NTM: variants seen among roughly 807,000 people sequenced by gnomAD.
NTM encodes IgLON family member 2.
In NTM, 13 loss-of-function variants were observed where a neutral mutation model predicts 42.1. The ratio of observed to expected loss-of-function variants is 0.31; its 90% CI spans 0.20 to 0.49. NTM has a LOEUF of 0.49. Among genes scored for constraint, NTM ranks in the 20% least tolerant of loss-of-function variants. NTM has a pLI of 0.99. For synonymous variants in NTM, 187 were observed against 179.2 expected, an observed-to-expected ratio of 1.04 and a Z score of -0.35; for missense variants, 373 against 452.8, an observed-to-expected ratio of 0.82 and a Z score of 1.60.
intron 1 of NTM, among the ~76,000 whole-genome samples, chr11:131,565,072 G>A (rs988522671): frequency 1.3e-5 from 2 of 152,152 alleles, no homozygotes; most frequent in Admixed American, 6.5e-5. Context: ...ACCTCCCCCT[G>A]CATGAGAAGA....
chr11:131,511,592 G>A (rs868592242), intron 1 of NTM, among the ~76,000 whole-genome samples: 2 of 152,118 alleles, frequency 1.3e-5, no homozygotes, highest in Admixed American at 6.5e-5. Flanking sequence ...CAGAAACCCC[G>A]AGGTTATACA....
At chr11:132,204,841 A>G (rs1181281263) in intron 3 of NTM, among the ~76,000 whole-genome samples, 1 of 152,166 alleles carries the variant, frequency 6.6e-6, no homozygotes, top group East Asian at 1.9e-4. Context: ...CACCTGAACC[A>G]CTCAACTGTG....
intron 1 of NTM, among the ~76,000 whole-genome samples, chr11:131,444,614 C>T (rs764550954): frequency 6.6e-6 from 1 of 152,038 alleles, no homozygotes; most frequent in African/African-American, 2.4e-5. Context: ...AAATTGAGGG[C>T]TTTGCATGGA....
At position 131,794,924 on chromosome 11, in the gene NTM, C is replaced by CTT. The variant is rs150047411; in HGVS notation, c.83-116638_83-116637dup. The stretch of plus-strand genomic sequence containing the variant: ...TGCAGGGAGTGTTGGGTAACCAAGG[C>CTT]TTTGGAGTTAGGGGAACCTGAACCC... On this transcript the variant is annotated intron_variant, in intron 1 of 8. Coordinates refer to ENST00000683400, the MANE Select transcript of NTM (RefSeq NM_001352005.2). The CTT allele has an allele frequency of 2.4e-5, 24 of 985,236 alleles. No individual in the cohort carries two copies. In the East Asian group the frequency reaches 2.3e-3, roughly 93 times the overall value. 61.0% of individuals were successfully genotyped at this position (985,236 alleles called of 1,614,324 possible).
intron 1 of NTM, among the ~76,000 whole-genome samples, chr11:131,642,338 G>A (rs1164862244): frequency 6.6e-6 from 1 of 152,196 alleles, no homozygotes; most frequent in Non-Finnish European, 1.5e-5. Flanking sequence ...CTGGAAACTG[G>A]AGAGAGATCC....
chr11:132,000,531 G>T (rs1157588807), intron 2 of NTM, among the ~76,000 whole-genome samples: 1 of 152,172 alleles, frequency 6.6e-6, no homozygotes, highest in African/African-American at 2.4e-5. Flanking sequence ...GGGTGAATGT[G>T]TACAAGTACA....
chr11:131,632,141 A>C (rs1007769744), intron 1 of NTM, among the ~76,000 whole-genome samples: 15 of 152,066 alleles, frequency 9.9e-5, no homozygotes, highest in Admixed American at 8.5e-4. Flanking sequence ...AATATTTTTC[A>C]CTGTATTTAT....
intron 1 of NTM, among the ~76,000 whole-genome samples, chr11:131,562,898 A>T (rs1387096005): frequency 6.6e-6 from 1 of 152,198 alleles, no homozygotes; most frequent in African/African-American, 2.4e-5. Flanking sequence ...AACCATGCTT[A>T]GTGGACTGGA....
rs138385263 is a variant in NTM at position 131,712,735 on chromosome 11, C to T, written c.83-198829C>T. Reference sequence around the variant, plus strand: ...AGTAGCTGGGACTACAGATGCATGCCACCACACCAGCCTAATTTTTGTATT... The same window carrying T: ...AGTAGCTGGGACTACAGATGCATGCTACCACACCAGCCTAATTTTTGTATT... On this transcript the variant is annotated intron_variant, in intron 1 of 8. Transcript: ENST00000683400. Among the ~76,000 whole-genome samples the T allele has an allele frequency of 4.6e-3, 701 of 152,106 alleles. 2 individuals are homozygous for T. The highest frequency in any genetic ancestry group is 6.8e-3 in the Middle Eastern group (2 of 294).
intron 4 of NTM, among the ~76,000 whole-genome samples, chr11:132,303,646 G>A (rs1354830024): frequency 1.3e-5 from 2 of 148,220 alleles, no homozygotes; most frequent in Non-Finnish European, 3.0e-5. Context: ...TGTTTGCAAG[G>A]AAGAGTTAAA....
intron 1 of NTM, among the ~76,000 whole-genome samples, chr11:131,767,667 C>T (rs891419202): frequency 2.6e-5 from 4 of 152,194 alleles, no homozygotes; most frequent in African/African-American, 9.6e-5. Context: ...CAGAATCCAC[C>T]GGCACTGTGA....
chr11:131,535,840 A>C (rs2052101147), intron 1 of NTM: 1 of 152,218 alleles, frequency 6.6e-6, no homozygotes, highest in Admixed American at 6.5e-5. Flanking sequence ...ACCACGCCGA[A>C]AACATGGTTG....
intron 1 of NTM, among the ~76,000 whole-genome samples, chr11:131,545,145 A>G (rs867569351): frequency 1.6e-4 from 24 of 152,286 alleles, no homozygotes; most frequent in South Asian, 8.3e-4. Flanking sequence ...TTTAAGAATG[A>G]AAAGAATGTA....
intron 1 of NTM, chr11:131,911,362 T>TTCTCACCGCTCAGGTCCTCAC (rs2054922786): frequency 6.5e-7 from 1 of 1,535,542 alleles, no homozygotes; most frequent in African/African-American, 1.4e-5. Flanking sequence ...CGCCTCCCGG[T>TTCTCACCGCTCAGGTCCTCAC]CGCCGCGGGT....
chr11:131,726,390 G>A (rs1261108362), intron 1 of NTM, among the ~76,000 whole-genome samples: 1 of 144,872 alleles, frequency 6.9e-6, no homozygotes, highest in Admixed American at 6.7e-5. Flanking sequence ...CTGTCTCCTG[G>A]CCCCTCTCAC....
At chr11:131,876,568 A>C (rs2048569841) in intron 1 of NTM, among the ~76,000 whole-genome samples, 1 of 152,248 alleles carries the variant, frequency 6.6e-6, no homozygotes, top group South Asian at 2.1e-4. Context: ...GAGGCATTTC[A>C]AAGCCAAAAG....
chr11:131,487,474 A>G (rs1026910096), intron 1 of NTM, among the ~76,000 whole-genome samples: 7 of 152,212 alleles, frequency 4.6e-5, no homozygotes, highest in Admixed American at 6.5e-5. Flanking sequence ...TAAACCCCCA[A>G]TTGAAATCCA....
intron 1 of NTM, among the ~76,000 whole-genome samples, chr11:131,642,994 A>G (rs549053814): frequency 6.6e-6 from 1 of 151,960 alleles, no homozygotes; most frequent in Admixed American, 6.6e-5. Flanking sequence ...CAGAGGGCTT[A>G]ATTTTACTTC....
At chr11:132,062,373 C>G (rs748829899) in intron 2 of NTM, among the ~76,000 whole-genome samples, 4 of 152,166 alleles carry the variant, frequency 2.6e-5, no homozygotes, top group Admixed American at 6.6e-5. Context: ...AGTGAAAACT[C>G]CTGAAGCTCA....
Sources: gnomAD v4.1 joint callset for allele counts (sites outside exome capture counted in the v4.1 genomes callset) on GRCh38, gnomAD v4.1.1 for gene constraint, MANE v1.5 for transcripts, NCBI Gene and HGNC (gene_info 2026-07-23, HGNC 2026-07-21) for gene names.